The following GEN1 variants were observed in gnomAD, a reference collection of about 807,000 sequenced individuals.
GEN1 encodes GEN1 structure-specific endonuclease, also known as flap endonuclease GEN homolog 1.
Under a neutral mutation model 67.6 loss-of-function variants are expected in GEN1, and 64 were observed. The observed-to-expected ratio is 0.95, with a 90% confidence interval of 0.77 to 1.17. The LOEUF (loss-of-function observed/expected upper bound fraction) is 1.17. GEN1 is among the 50% of genes most tolerant of loss of function. The pLI, the probability that GEN1 is intolerant of heterozygous loss-of-function variation, is 0.00. For synonymous variants in GEN1, 371 were observed against 359.4 expected (o/e 1.03, Z -0.37); for missense variants, 1,058 against 1,048.3 (o/e 1.01, Z -0.13).
chr2:17,757,793 A>T (rs561364642), intron 1 of GEN1, among the ~76,000 whole-genome samples: 8 of 152,342 alleles, frequency 5.3e-5, no homozygotes, highest in African/African-American at 1.9e-4. Context: ...TTTAGCCAAG[A>T]AGCAAACCAT....
chr2:17,769,018 C>T (rs1672060320), intron 6 of GEN1, among the ~76,000 whole-genome samples: 1 of 151,778 alleles, frequency 6.6e-6, no homozygotes, highest in South Asian at 2.1e-4. Flanking sequence ...AGCCGTATTG[C>T]ATTTTTTTTT....
Position 17,781,145 on chromosome 2 carries a change from A to AAAGT in GEN1, c.1934_1937dup (p.Leu647SerfsTer4), listed in dbSNP as rs746632334. The stretch of plus-strand genomic sequence containing the variant: ...AGAAAGGTACACTGCAAACATAAAG[A>AAAGT]AAGTGTTGGATGAGGATTCTGATGG... On this transcript the variant is annotated frameshift_variant, in exon 14 of 14. Transcript: ENST00000381254. LOFTEE classifies it low-confidence loss of function (END_TRUNC). The AAAGT allele has an allele frequency of 6.2e-6, 10 of 1,613,932 alleles. No homozygotes were observed. Among genetic ancestry groups the AAAGT allele is most frequent in the Middle Eastern group, 1.6e-4 (1 of 6,062 alleles).
intron 2 of GEN1, among the ~76,000 whole-genome samples, 162 bp from the exon 3 acceptor site, chr2:17,761,234 A>G (rs1324626570): frequency 6.6e-6 from 1 of 152,192 alleles, no homozygotes; most frequent in Non-Finnish European, 1.5e-5. Flanking sequence ...TGTCAAAGAA[A>G]AAGAAAATTC....
intron 1 of GEN1, chr2:17,755,732 T>A (rs529119798): frequency 1.3e-5 from 2 of 152,346 alleles, no homozygotes; most frequent in East Asian, 1.9e-4. Context: ...CAAAACTTGC[T>A]TTAATAAAGT....
At chr2:17,756,436 A>G (rs1421154981) in intron 1 of GEN1, among the ~76,000 whole-genome samples, 1 of 152,226 alleles carries the variant, frequency 6.6e-6, no homozygotes, top group Non-Finnish European at 1.5e-5. Context: ...TGTTGATTGT[A>G]TGAACAGATT....
In GEN1 at chr2:17,778,366, A is replaced by G. The variant is rs532350912; in HGVS notation, c.1264+303A>G. Reference sequence around the variant, plus strand: ...CACACACATGTGTGTACATATATGTATATACACACACATATATGTGTGTAC... The same window carrying G: ...CACACACATGTGTGTACATATATGTGTATACACACACATATATGTGTGTAC... On this transcript the variant is annotated intron_variant, in intron 12 of 13. Coordinates refer to ENST00000381254, the MANE Select transcript of GEN1 (RefSeq NM_001130009.3). Among the ~76,000 whole-genome samples, 23 of 31,182 alleles carry G rather than the reference A, an allele frequency of 7.4e-4. 8 individuals carry two copies. Among genetic ancestry groups the G allele is most frequent in the Admixed American group, 9.0e-4 (2 of 2,230 alleles). The allele number at this position is 31,182 out of a possible 152,430, so 20.5% of individuals were successfully genotyped here. A position where few individuals can be genotyped will look rare whatever the true frequency, so the allele number is the denominator to read the frequency against.
Position 17,784,288 on chromosome 2 carries a change from T to C in GEN1, c.*2349T>C, listed in dbSNP as rs1672977322. The C allele has an allele frequency of 6.6e-6, 1 of 152,136 alleles. No individual in the cohort carries two copies. The highest frequency in any genetic ancestry group is 1.5e-5 in the Non-Finnish European group (1 of 68,012). 9.4% of individuals were successfully genotyped at this position (152,136 alleles called of 1,614,324 possible). A position where few individuals can be genotyped will look rare whatever the true frequency, so the allele number is the denominator to read the frequency against. On this transcript the variant is annotated 3_prime_UTR_variant, in exon 14 of 14. Transcript: ENST00000381254. ...CAAATCAAAACCACAAGACACCCAA[T>C]GTCTACAATCAAAAAGATAATAACT...
intron 4 of GEN1, 111 bp from the exon 5 acceptor site, chr2:17,766,468 C>A (rs576984817): frequency 1.2e-5 from 8 of 642,630 alleles, no homozygotes; most frequent in Non-Finnish European, 2.1e-5. Context: ...CCATGCCCAG[C>A]CTGGAATAAT....
At position 17,785,897 on chromosome 2, in the gene GEN1, ATTAAAAT is replaced by A. The variant is rs1181536031; in HGVS notation, c.*3964_*3970del. 1.3e-5 allele frequency: 2 copies of A among 152,186 alleles called. No individual in the cohort carries two copies. The highest frequency in any genetic ancestry group is 2.9e-5 in the Non-Finnish European group (2 of 68,024). 9.4% of individuals were successfully genotyped at this position (152,186 alleles called of 1,614,324 possible). On this transcript the variant is annotated 3_prime_UTR_variant, in exon 14 of 14. Transcript: ENST00000381254. Reference sequence around the variant, plus strand: ...ATGGGCGAAAAAGTGTCTAAAAAAAATTAAAATTTAAATTAAAAAAAAATATACAATC... The same window carrying A: ...ATGGGCGAAAAAGTGTCTAAAAAAAATTAAATTAAAAAAAAATATACAATC...
chr2:17,762,253 G>A (rs1483732858), intron 3 of GEN1, among the ~76,000 whole-genome samples: 1 of 145,516 alleles, frequency 6.9e-6, no homozygotes, highest in Admixed American at 6.9e-5. Context: ...CCAGGCTGGA[G>A]TGCAGTGGCG....
chr2:17,766,640 A>G lies in GEN1; in HGVS notation c.587A>G (p.Asp196Gly). 1.2e-6 allele frequency: 2 copies of G among 1,610,206 alleles called. No homozygotes were observed. The highest frequency in any genetic ancestry group is 1.7e-6 in the Non-Finnish European group (2 of 1,176,722). Residue 196 changes from aspartate (D) to glycine (G), a missense_variant, in exon 5 of 14, where the codon GAT becomes GGT. Asp to Gly is a moderately conservative substitution (Grantham distance 94). Transcript: ENST00000381254. Reference sequence around the variant, plus strand: ...AAGAGTAAACTAGGTTTGGATAGAGATGCTCTGGTTGGATTAGCAATACTT... The same window carrying G: ...AAGAGTAAACTAGGTTTGGATAGAGGTGCTCTGGTTGGATTAGCAATACTT... ...SIKSKLGLDR[D>G]ALVGLAILLG...
chr2:17,785,930 T>A lies in GEN1; in HGVS notation c.*3991T>A, dbSNP rs1044205951. On this transcript the variant is annotated 3_prime_UTR_variant, in exon 14 of 14. Coordinates refer to ENST00000381254, the MANE Select transcript of GEN1 (RefSeq NM_001130009.3). ...TTAAATTAAAAAAAAATATACAATC[T>A]CCGTCTTCTAGATTTTATAATGAGG... The A allele has an allele frequency of 2.0e-5, 3 of 152,134 alleles. No homozygotes were observed. Among genetic ancestry groups the A allele is most frequent in the African/African-American group, 7.2e-5 (3 of 41,424 alleles). The allele number at this position is 152,134 out of a possible 1,614,324, so 9.4% of individuals were successfully genotyped here. A position where few individuals can be genotyped will look rare whatever the true frequency, so the allele number is the denominator to read the frequency against.
rs1023857398 is a variant in GEN1 at position 17,781,391 on chromosome 2, C to G, written c.2179C>G (p.Pro727Ala). 27 of 1,613,678 alleles carry G rather than the reference C, an allele frequency of 1.7e-5. No homozygotes were observed. Among genetic ancestry groups the G allele is most frequent in the Non-Finnish European group, 2.3e-5 (27 of 1,179,924 alleles). ...TCTTTCAAAGGATCTTCCAGGAATT[C>G]CCTTGCAAAATGAATCCAGAGACTC... Reference protein sequence around the residue: ...SHLSKDLPGIPLQNESRDSKI... With the variant: ...SHLSKDLPGIALQNESRDSKI... The change falls in exon 14 of 14, where the codon CCC becomes GCC. Residue 727 changes from proline to alanine, a missense_variant. Pro to Ala is a conservative substitution (Grantham distance 27, BLOSUM62 -1). Transcript: ENST00000381254.
intron 12 of GEN1, 103 bp downstream of exon 12, chr2:17,778,166 AGAT>A (rs1243868162): frequency 2.0e-6 from 1 of 490,400 alleles, no homozygotes; most frequent in African/African-American, 2.4e-5. Context: ...ACACACACAT[AGAT>A]ATGTGTATAT....
chr2:17,778,434 A>G lies in GEN1; in HGVS notation c.1264+371A>G, dbSNP rs1193718753. Among the ~76,000 whole-genome samples the G allele has an allele frequency of 8.4e-5, 7 of 82,894 alleles. 1 individual carries two copies. Among genetic ancestry groups the G allele is most frequent in the African/African-American group, 2.1e-4 (5 of 23,784 alleles). The allele number at this position is 82,894 out of a possible 152,430, so 54.4% of individuals were successfully genotyped here. On this transcript the variant is annotated intron_variant, in intron 12 of 13. Transcript: ENST00000381254. ...CATATATGTGTGTACATATATGTAT[A>G]TACACACACATATATGTGTGTACAT...
intron 7 of GEN1, 119 bp downstream of exon 7, chr2:17,771,406 C>G: frequency 1.5e-6 from 1 of 654,846 alleles, no homozygotes; most frequent in Non-Finnish European, 2.7e-6. Flanking sequence ...ATTGTCTTCT[C>G]CACTAGATTA....
intron 12 of GEN1, among the ~76,000 whole-genome samples, chr2:17,778,269 CAT>C (rs1558409005): frequency 0.017 from 1,564 of 91,706 alleles, 488 homozygotes; most frequent in East Asian, 0.083. Context: ...TATGTGTGTA[CAT>C]ATATGTATAT....
At chr2:17,755,620 A>G (rs750314309) in intron 1 of GEN1, 9 of 152,224 alleles carry the variant, frequency 5.9e-5, no homozygotes, top group Admixed American at 2.0e-4. Flanking sequence ...ACCAGTCTTT[A>G]TATGAATATA....
Position 17,779,998 on chromosome 2 carries a change from AAAC to A in GEN1, c.1290_1292del (p.Gln430del). Reference sequence around the variant, plus strand: ...TTTAGAACATTATGCTATGGAAGATAAACAACATGGAGAATTTGCTTTATTAAC... The same window carrying A: ...TTTAGAACATTATGCTATGGAAGATAAACATGGAGAATTTGCTTTATTAAC... On this transcript the variant is annotated inframe_deletion, in exon 13 of 14. Coordinates refer to ENST00000381254, the MANE Select transcript of GEN1 (RefSeq NM_001130009.3). The A allele has an allele frequency of 6.2e-7, 1 of 1,601,804 alleles. No individual in the cohort carries two copies. The highest frequency in any genetic ancestry group is 8.6e-7 in the Non-Finnish European group (1 of 1,169,166).
Sources: gnomAD v4.1 joint callset for allele counts (sites outside exome capture counted in the v4.1 genomes callset) on GRCh38, gnomAD v4.1.1 for gene constraint, MANE v1.5 for transcripts, NCBI Gene and HGNC (gene_info 2026-07-23, HGNC 2026-07-21) for gene names.